The following TCF20 variants were observed in gnomAD, a reference collection of about 807,000 sequenced individuals.
TCF20 encodes the protein SPRE-binding protein.
TCF20 carries 3 observed loss-of-function variants against 148.6 expected under a neutral mutation model. That is an observed-to-expected ratio of 0.02 (90% CI 0.01 to 0.05). The LOEUF is 0.05. Among genes scored for constraint, TCF20 ranks in the 10% least tolerant of loss-of-function variants. The pLI is 1.00. For synonymous variants in TCF20, 1,049 were observed against 909.5 expected (o/e 1.15, Z -2.76); for missense variants, 2,350 against 2,429.3 (o/e 0.97, Z 0.69).
intron 1 of TCF20, among the ~76,000 whole-genome samples, chr22:42,329,824 GC>G (rs1927940587): frequency 6.6e-6 from 1 of 151,900 alleles, no homozygotes; most frequent in Non-Finnish European, 1.5e-5. Context: ...CCCCCTGCCT[GC>G]CTGCCCCATC....
chr22:42,318,987 T>C (rs751919983), intron 1 of TCF20, among the ~76,000 whole-genome samples: 17 of 152,172 alleles, frequency 1.1e-4, no homozygotes, highest in Non-Finnish European at 2.2e-4. Flanking sequence ...AGCTGTGTTC[T>C]AAAGGCATTC....
intron 1 of TCF20, among the ~76,000 whole-genome samples, chr22:42,245,219 C>A (rs952349338): frequency 6.6e-6 from 1 of 152,142 alleles, no homozygotes; most frequent in African/African-American, 2.4e-5. Flanking sequence ...CTCTTTGTAG[C>A]TGGGACTACA....
rs150304310 is a variant in TCF20, at chr22:42,210,020, C to T, written c.5286G>A (p.Thr1762=). ...RHKSASNGSK[T]DTEEEEEQQQ... ...GCTGCTCTTCCTCCTCCTCAGTGTCCGTCTTGGAGCCATTAGAAGCACTTT... is the reference window on the plus strand; with the variant it reads ...GCTGCTCTTCCTCCTCCTCAGTGTCTGTCTTGGAGCCATTAGAAGCACTTT... The change falls in exon 2 of 6, where the codon ACG becomes ACA. Residue 1762 remains threonine, a synonymous_variant. Coordinates refer to ENST00000677622, the MANE Select transcript of TCF20 (RefSeq NM_001378418.1). The surrounding 1 kb of genome is among the most constrained non-coding windows in gnomAD (Gnocchi z 4.7). 3.9e-4 allele frequency: 635 copies of T among 1,612,656 alleles called. 2 individuals carry two copies. The highest frequency in any genetic ancestry group is 5.2e-4 in the Non-Finnish European group (610 of 1,180,034).
rs540878327 is a variant in TCF20, at chr22:42,219,565, T to TA, written c.-36-4225dup. On this transcript the variant is annotated intron_variant, in intron 1 of 5. Coordinates refer to ENST00000677622, the MANE Select transcript of TCF20 (RefSeq NM_001378418.1). ...ACCTAAGGAACTTGCATACACACTC[T>TA]AAAAAAGAGGCTGGGCACAGTGGCT... Among the ~76,000 whole-genome samples, 9 of 151,688 alleles carry TA rather than the reference T, an allele frequency of 5.9e-5. No homozygotes were observed. In the South Asian group the frequency reaches 1.0e-3, roughly 18 times the overall value.
chr22:42,343,110 G>C (rs1601713402), intron 1 of TCF20, among the ~76,000 whole-genome samples: 1 of 152,076 alleles, frequency 6.6e-6, no homozygotes, highest in Non-Finnish European at 1.5e-5. Context: ...TCACTCTGTC[G>C]CTGTGAGTGT....
intron 1 of TCF20, among the ~76,000 whole-genome samples, chr22:42,229,559 G>A (rs1021127581): frequency 3.3e-5 from 5 of 152,180 alleles, no homozygotes; most frequent in African/African-American, 9.7e-5. Context: ...ACAGTGAAGA[G>A]AGAGGGTCAG....
At chr22:42,248,466 G>A (rs1385126329) in intron 1 of TCF20, among the ~76,000 whole-genome samples, 3 of 152,024 alleles carry the variant, frequency 2.0e-5, no homozygotes, top group African/African-American at 4.8e-5. Context: ...AATATAAAAC[G>A]TGCACTGTGC....
chr22:42,285,479 T>G (rs1384112414), upstream of TCF20, among the ~76,000 whole-genome samples: 1 of 152,016 alleles, frequency 6.6e-6, no homozygotes, highest in Non-Finnish European at 1.5e-5. The surrounding 1 kb of genome is among the most constrained non-coding windows in gnomAD (Gnocchi z 4.2). Flanking sequence ...TGCGTCTGCA[T>G]TTAGGACCTA....
At chr22:42,323,990 TGGTGGAGGTGGTGGCGGA>T (rs1927805009) in intron 1 of TCF20, among the ~76,000 whole-genome samples, 1 of 136,532 alleles carries the variant, frequency 7.3e-6, no homozygotes, top group Non-Finnish European at 1.6e-5. Context: ...GAGGTTATGG[TGGTGGAGGTGGTGGCGGA>T]GGTTATGGTG....
chr22:42,280,751 C>T (rs1926884984), intron 1 of TCF20, among the ~76,000 whole-genome samples: 1 of 152,196 alleles, frequency 6.6e-6, no homozygotes, highest in Admixed American at 6.5e-5. Context: ...AGAGCCTTTG[C>T]TCTCTGGAGT....
At chr22:42,223,757 C>T (rs1922594730) in intron 1 of TCF20, among the ~76,000 whole-genome samples, 1 of 152,122 alleles carries the variant, frequency 6.6e-6, no homozygotes, top group Non-Finnish European at 1.5e-5. Context: ...TCTGTAACAC[C>T]TGTATCGTTT....
Position 42,210,893 on chromosome 22 carries a change from C to A in TCF20, c.4413G>T (p.Lys1471Asn). Reference sequence around the variant, plus strand: ...CTGGTCTCCCTTGGTTACTACCAGGCTTCTGTGAGGTTGTGGATGTCATGG... The same window carrying A: ...CTGGTCTCCCTTGGTTACTACCAGGATTCTGTGAGGTTGTGGATGTCATGG... ...PGAMTSTTSQKPGSNQGRPDG... is the reference protein window; with the variant it reads ...PGAMTSTTSQNPGSNQGRPDG... The change falls in exon 2 of 6, where the codon AAG (lysine) becomes AAT (asparagine). Residue 1471 changes from lysine to asparagine, a missense_variant. Lys to Asn is a moderately conservative substitution (Grantham distance 94). Coordinates refer to ENST00000677622, the MANE Select transcript of TCF20 (RefSeq NM_001378418.1). The surrounding 1 kb of genome is among the most constrained non-coding windows in gnomAD (Gnocchi z 4.7). The A allele has an allele frequency of 1.9e-6, 3 of 1,614,158 alleles. No individual in the cohort carries two copies. The highest frequency in any genetic ancestry group is 2.5e-6 in the Non-Finnish European group (3 of 1,180,038).
intron 1 of TCF20, among the ~76,000 whole-genome samples, chr22:42,233,032 T>G (rs929064186): frequency 6.6e-6 from 1 of 152,108 alleles, no homozygotes; most frequent in Admixed American, 6.6e-5. Flanking sequence ...GCAATTCTCC[T>G]GCCTCAGTCT....
chr22:42,283,864 C>T (rs1054894113), exon 1 of TCF20, among the ~76,000 whole-genome samples: 2 of 152,236 alleles, frequency 1.3e-5, no homozygotes, highest in African/African-American at 4.8e-5. Context: ...TTGCCCCAGA[C>T]CCCTTGCCAG....
chr22:42,269,121 T>C (rs1465960134), intron 1 of TCF20, among the ~76,000 whole-genome samples: 1 of 152,126 alleles, frequency 6.6e-6, no homozygotes, highest in East Asian at 1.9e-4. Flanking sequence ...CGGAATTCAG[T>C]GTAGCTTCCC....
Position 42,299,849 on chromosome 22 carries a change from GGGGAGGA to G in TCF20, c.-37+43623_-37+43629del, listed in dbSNP as rs1286056490. 1.3e-5 allele frequency among the ~76,000 whole-genome samples: 2 copies of G among 151,458 alleles called. No individual in the cohort carries two copies. The highest frequency in any genetic ancestry group is 2.9e-5 in the Non-Finnish European group (2 of 67,842). On this transcript the variant is annotated intron_variant, in intron 1 of 1. Coordinates refer to the TCF20 transcript ENST00000515426. The surrounding 1 kb of genome is among the most constrained non-coding windows in gnomAD (Gnocchi z 4.1). ...GAGAGAAGGGGGAGAAGGAAGCGGA[GGGGAGGA>G]GGGAGGAGGGAAAAGACAGAAAGGG...
intron 1 of TCF20, among the ~76,000 whole-genome samples, chr22:42,339,602 G>A (rs1230591673): frequency 6.6e-6 from 1 of 152,260 alleles, no homozygotes; most frequent in Non-Finnish European, 1.5e-5. Flanking sequence ...GCATGTGCTG[G>A]ACAATTACTA....
intron 1 of TCF20, among the ~76,000 whole-genome samples, chr22:42,323,190 C>T (rs373087979): frequency 1.3e-5 from 2 of 151,774 alleles, no homozygotes; most frequent in Admixed American, 1.3e-4. Flanking sequence ...GCGTGAGCCA[C>T]CACGCCCAGC....
chr22:42,196,407 A>G (rs907141796), intron 2 of TCF20, among the ~76,000 whole-genome samples: 3 of 152,172 alleles, frequency 2.0e-5, no homozygotes, highest in African/African-American at 7.2e-5. Flanking sequence ...AATACATTTC[A>G]TTTTTGAGGG....
Sources: allele counts gnomAD v4.1 joint callset (sites outside exome capture counted in the v4.1 genomes callset), GRCh38; gene constraint gnomAD v4.1.1; non-coding constraint Gnocchi (gnomAD v3.1); transcripts MANE v1.5; gene names NCBI Gene and HGNC (gene_info 2026-07-23, HGNC 2026-07-21).